The following EBF2 variants were observed in gnomAD, a reference collection of about 807,000 sequenced individuals.
EBF2 encodes transcription factor COE2.
Under a neutral mutation model 72.8 loss-of-function variants are expected in EBF2, and 21 were observed. That is an observed-to-expected ratio of 0.29 (90% CI 0.20 to 0.42). The LOEUF (loss-of-function observed/expected upper bound fraction) is 0.42, where lower values mean the gene tolerates loss of function less well. Ranked by LOEUF, EBF2 falls within the 10% of genes least tolerant of loss-of-function variation. The pLI is 1.00. For synonymous variants in EBF2, 299 were observed against 274.2 expected, an observed-to-expected ratio of 1.09 and a Z score of -0.89; for missense variants, 637 against 731.2, an observed-to-expected ratio of 0.87 and a Z score of 1.49.
intron 13 of EBF2, among the ~76,000 whole-genome samples, chr8:25,859,620 A>G (rs753758984): frequency 1.6e-4 from 24 of 152,194 alleles, no homozygotes; most frequent in Non-Finnish European, 2.4e-4. Context: ...AAAACTATAT[A>G]GGAAACAACC....
rs377373173 is a variant in EBF2, at chr8:25,844,567, A to C, written c.*42T>G. Reference sequence around the variant, plus strand: ...CTAGTGCTTTCTTCATTATTGGTCCATCAGAGTAAGTAGTTTTGTGCTATA... The same window carrying C: ...CTAGTGCTTTCTTCATTATTGGTCCCTCAGAGTAAGTAGTTTTGTGCTATA... On this transcript the variant is annotated 3_prime_UTR_variant, in exon 16 of 16. Coordinates refer to ENST00000520164, the MANE Select transcript of EBF2 (RefSeq NM_022659.4). 17 of 1,611,604 alleles carry C rather than the reference A, an allele frequency of 1.1e-5. No individual in the cohort carries two copies. The highest frequency in any genetic ancestry group is 1.4e-5 in the Non-Finnish European group (17 of 1,177,854).
At chr8:25,879,442 C>A (rs770981694) in intron 10 of EBF2, among the ~76,000 whole-genome samples, 6 of 152,208 alleles carry the variant, frequency 3.9e-5, no homozygotes, top group Non-Finnish European at 7.3e-5. Context: ...AGGGCACATA[C>A]ATCTTCAGGT....
intron 5 of EBF2, among the ~76,000 whole-genome samples, chr8:26,038,730 C>A (rs1490470903): frequency 3.3e-5 from 5 of 152,192 alleles, no homozygotes; most frequent in Non-Finnish European, 7.3e-5. Context: ...CAATGCCTTC[C>A]CCCCAGCTAC....
chr8:26,030,985 G>A (rs1002327226), intron 6 of EBF2, among the ~76,000 whole-genome samples: 6 of 152,162 alleles, frequency 3.9e-5, no homozygotes, highest in South Asian at 2.1e-4. Flanking sequence ...CAACTTTATC[G>A]GTGAATGCAG....
intron 6 of EBF2, among the ~76,000 whole-genome samples, chr8:25,948,028 C>T (rs748409280): frequency 5.3e-5 from 8 of 152,192 alleles, no homozygotes; most frequent in East Asian, 1.9e-4. Flanking sequence ...CCTAAGGCCA[C>T]GCACGATGCC....
chr8:25,913,498 C>T (rs1313595706), intron 6 of EBF2, among the ~76,000 whole-genome samples: 1 of 152,128 alleles, frequency 6.6e-6, no homozygotes, highest in Non-Finnish European at 1.5e-5. Context: ...TAGTTAACAG[C>T]TACCATTATA....
In EBF2 at chr8:25,871,069, G is replaced by A. The variant is rs988130685; in HGVS notation, c.1010-8272C>T. 3.3e-5 allele frequency among the ~76,000 whole-genome samples: 5 copies of A among 152,112 alleles called. No individual in the cohort carries two copies. In the South Asian group the frequency reaches 6.2e-4, roughly 19 times the overall value. On this transcript the variant is annotated intron_variant, in intron 10 of 15. Transcript: ENST00000520164. ...GGACCTCAGCCTTTAACACATGGCCGGGTTTGACAACTCTTTGGTTCCAGA... is the reference window on the plus strand; with the variant it reads ...GGACCTCAGCCTTTAACACATGGCCAGGTTTGACAACTCTTTGGTTCCAGA...
At chr8:26,039,334 A>AGACT (rs1805561391) in intron 5 of EBF2, among the ~76,000 whole-genome samples, 1 of 152,196 alleles carries the variant, frequency 6.6e-6, no homozygotes, top group South Asian at 2.1e-4. Context: ...GAACGCCAGT[A>AGACT]GACTGAACCT....
chr8:25,905,500 G>GTGATATATC, intron 7 of EBF2, among the ~76,000 whole-genome samples: 1 of 152,138 alleles, frequency 6.6e-6, no homozygotes, highest in Non-Finnish European at 1.5e-5. Context: ...GAATAGTCAA[G>GTGATATATC]CTGTAAAAAG....
chr8:25,942,932 A>T (rs1299971407), intron 6 of EBF2, among the ~76,000 whole-genome samples: 1 of 152,150 alleles, frequency 6.6e-6, no homozygotes, highest in Non-Finnish European at 1.5e-5. Context: ...TGCGTGGTGC[A>T]TGGTCTACCT....
At chr8:25,938,434 C>T in intron 6 of EBF2, among the ~76,000 whole-genome samples, 1 of 149,584 alleles carries the variant, frequency 6.7e-6, no homozygotes, top group South Asian at 2.1e-4. Context: ...TCTAGTTGGA[C>T]AGCTGTTAAA....
intron 6 of EBF2, among the ~76,000 whole-genome samples, chr8:25,939,842 A>G (rs567422655): frequency 1.3e-5 from 2 of 152,354 alleles, no homozygotes; most frequent in East Asian, 3.9e-4. Context: ...AATGAGGGCC[A>G]GTAGGTAGGA....
At chr8:25,989,629 A>G (rs545833095) in intron 6 of EBF2, among the ~76,000 whole-genome samples, 1 of 152,346 alleles carries the variant, frequency 6.6e-6, no homozygotes, top group South Asian at 2.1e-4. Context: ...TGGCTTGCAG[A>G]CAACTCTCCC....
At chr8:25,939,052 T>G (rs368288900) in intron 6 of EBF2, among the ~76,000 whole-genome samples, 5 of 152,138 alleles carry the variant, frequency 3.3e-5, no homozygotes, top group Admixed American at 6.5e-5. Flanking sequence ...CAAACTTCAC[T>G]ACTGTGCATT....
rs1805664689 is a variant in EBF2 at position 26,044,387 on chromosome 8, C to G, written c.131+342G>C. ...ACTGCCAGCGCCGGTGTTCACGCTC[C>G]GTTCGGGGCCAGGCCGGCTCGGCTT... On this transcript the variant is annotated intron_variant, in intron 1 of 15. Coordinates refer to ENST00000520164, the MANE Select transcript of EBF2 (RefSeq NM_022659.4). The surrounding 1 kb of genome is among the most constrained non-coding windows in gnomAD (Gnocchi z 4.1). 6.6e-6 allele frequency among the ~76,000 whole-genome samples: 1 copy of G among 152,256 alleles called. No homozygotes were observed. Among genetic ancestry groups the G allele is most frequent in the Non-Finnish European group, 1.5e-5 (1 of 68,046 alleles).
At chr8:25,858,107 T>G (rs745582663) in intron 14 of EBF2, 3 of 696,964 alleles carry the variant, frequency 4.3e-6, no homozygotes, top group Non-Finnish European at 5.2e-6. Flanking sequence ...GTTTCAATCC[T>G]TTTCTTTCCC....
At chr8:25,928,904 T>C (rs747450999) in intron 6 of EBF2, among the ~76,000 whole-genome samples, 14 of 151,876 alleles carry the variant, frequency 9.2e-5, no homozygotes, top group Non-Finnish European at 2.1e-4. Flanking sequence ...GAGTTCCTAC[T>C]TGCTACACAG....
chr8:26,009,130 A>C (rs1016223241), intron 6 of EBF2, among the ~76,000 whole-genome samples: 30 of 3,716 alleles, frequency 8.1e-3, no homozygotes, highest in African/African-American at 0.028. Context: ...AAAAAAAAAA[A>C]CCACCATGGG....
intron 6 of EBF2, among the ~76,000 whole-genome samples, chr8:26,003,941 T>G (rs1804784937): frequency 6.6e-6 from 1 of 152,144 alleles, no homozygotes; most frequent in Non-Finnish European, 1.5e-5. Context: ...CCAGGGGTAG[T>G]TTGTAGCAAA....
Sources: gnomAD v4.1 joint callset for allele counts (sites outside exome capture counted in the v4.1 genomes callset) on GRCh38, gnomAD v4.1.1 for gene constraint, Gnocchi (gnomAD v3.1) non-coding constraint, MANE v1.5 for transcripts, NCBI Gene and HGNC (gene_info 2026-07-23, HGNC 2026-07-21) for gene names.